Variants in CLEC4D observed in about 807,000 individuals in gnomAD.
The protein encoded by CLEC4D is C-type lectin domain family 4 member D, also known as C-type (calcium dependent, carbohydrate-recognition domain) lectin, superfamily member 8.
CLEC4D carries 21 observed loss-of-function variants against 21.1 expected under a neutral mutation model. The ratio of observed to expected loss-of-function variants is 1.00; its 90% CI spans 0.71 to 1.43. CLEC4D has a LOEUF of 1.43. Ranked by LOEUF, CLEC4D falls within the 40% of genes most tolerant of loss-of-function variation. CLEC4D has a pLI of 0.00. For synonymous variants in CLEC4D, 85 were observed against 83.1 expected, an observed-to-expected ratio of 1.02 and a Z score of -0.12; for missense variants, 289 against 260.7, an observed-to-expected ratio of 1.11 and a Z score of -0.75.
intron 2 of CLEC4D, among the ~76,000 whole-genome samples, chr12:8,515,921 AAT>A (rs2136384529): frequency 6.6e-6 from 1 of 152,282 alleles, no homozygotes; most frequent in Non-Finnish European, 1.5e-5. Flanking sequence ...GTGCAAGACA[AAT>A]AGACTAGAGG....
chr12:8,529,866 A>G, the CLEC4D span, among the ~76,000 whole-genome samples: 3 of 152,350 alleles, frequency 2.0e-5, no homozygotes, highest in Non-Finnish European at 4.4e-5. Context: ...ACTGAAAAAA[A>G]TCAAGGAATT....
At chr12:8,524,701 G>C (rs186956141), downstream of CLEC4D, among the ~76,000 whole-genome samples, 1 of 151,502 alleles carries the variant, frequency 6.6e-6, no homozygotes, top group Non-Finnish European at 1.5e-5. Context: ...ATTCTCCTTC[G>C]GCTCTTCTCT....
At chr12:8,520,441 T>C in intron 5 of CLEC4D, 100 bp downstream of exon 5, 1 of 1,485,956 alleles carries the variant, frequency 6.7e-7, no homozygotes, top group South Asian at 1.3e-5. Flanking sequence ...TATAAAAATG[T>C]TAAGAGAGAC....
chr12:8,522,654 G>T (rs1339435824), downstream of CLEC4D, among the ~76,000 whole-genome samples: 2 of 152,006 alleles, frequency 1.3e-5, no homozygotes, highest in African/African-American at 2.4e-5. Flanking sequence ...GAAACTTGTT[G>T]AAGTAACTTT....
the CLEC4D span, among the ~76,000 whole-genome samples, chr12:8,529,940 T>G: frequency 1.4e-4 from 21 of 152,302 alleles, no homozygotes; most frequent in Non-Finnish European, 3.1e-4. Context: ...ATCTAAACGG[T>G]TGAATACGAT....
intron 2 of CLEC4D, among the ~76,000 whole-genome samples, chr12:8,516,413 ATACT>A (rs1192027506): frequency 6.6e-6 from 1 of 152,240 alleles, no homozygotes; most frequent in African/African-American, 2.4e-5. Context: ...AGTAGGAAAA[ATACT>A]TACAATAAAA....
intron 2 of CLEC4D, among the ~76,000 whole-genome samples, chr12:8,517,292 T>C (rs927071305): frequency 1.3e-5 from 2 of 152,014 alleles, no homozygotes; most frequent in South Asian, 2.1e-4. Context: ...TATTTTTTAT[T>C]ATTTATTTAT....
chr12:8,529,501 A>T, the CLEC4D span, among the ~76,000 whole-genome samples: 14 of 152,102 alleles, frequency 9.2e-5, no homozygotes, highest in South Asian at 4.2e-4. Flanking sequence ...TGTAGTCCTA[A>T]CTACTTGGGA....
rs1361005580 is a variant in CLEC4D, at chr12:8,521,309, G to T, written c.*38G>T. On this transcript the variant is annotated 3_prime_UTR_variant, in exon 6 of 6. Transcript: ENST00000299665. ...TGGTCCTTGTGATGGAAAGAGAAAA[G>T]AAAAACCAATTAGAATAAGGCAGAA... 1.3e-6 allele frequency: 2 copies of T among 1,584,242 alleles called. No individual in the cohort carries two copies. Among genetic ancestry groups the T allele is most frequent in the Non-Finnish European group, 1.7e-6 (2 of 1,169,132 alleles).
intron 5 of CLEC4D, 61 bp from the exon 6 acceptor site, chr12:8,521,063 C>T (rs1565492716): frequency 6.4e-7 from 1 of 1,557,814 alleles, no homozygotes; most frequent in Non-Finnish European, 8.7e-7. Context: ...CTAATCTACA[C>T]CTATAATCTA....
Position 8,513,507 on chromosome 12 carries a change from C to A in CLEC4D, c.-226C>A. 2.4e-5 allele frequency: 7 copies of A among 290,400 alleles called. No individual in the cohort carries two copies. The highest frequency in any genetic ancestry group is 5.3e-5 in the East Asian group (1 of 18,730). The allele number at this position is 290,400 out of a possible 1,614,324, so 18.0% of individuals were successfully genotyped here. A position where few individuals can be genotyped will look rare whatever the true frequency, so the allele number is the denominator to read the frequency against. The stretch of plus-strand genomic sequence containing the variant: ...TTTCCTTTTTTTTTTTTTTTCGCCT[C>A]ATCTCCCGGAATGTATCAAAGGAAA... On this transcript the variant is annotated 5_prime_UTR_variant, in exon 1 of 6. Coordinates refer to ENST00000299665, the MANE Select transcript of CLEC4D (RefSeq NM_080387.5).
rs757147360 is a variant in CLEC4D at position 8,520,285 on chromosome 12, G to A, written c.444G>A (p.Glu148=). ...CCTATTTCCTTGGACTTAGAGATGA[G>A]AATGCCAAAGGTCAGTGGCGTTGGG... is the stretch of plus-strand genomic sequence containing the variant. ...RLSYFLGLRD[E]NAKGQWRWVD... is the part of the protein sequence containing the mutation. Residue 148 remains glutamate (E), a synonymous_variant, in exon 5 of 6, where the codon GAG becomes GAA. Transcript: ENST00000299665. 2 of 1,614,058 alleles carry A rather than the reference G, an allele frequency of 1.2e-6. No homozygotes were observed. The highest frequency in any genetic ancestry group is 3.3e-5 in the Admixed American group (2 of 60,028).
chr12:8,520,352 T>G lies in CLEC4D; in HGVS notation c.500+11T>G, dbSNP rs767734508. 1 of 1,612,330 alleles carries G rather than the reference T, an allele frequency of 6.2e-7. No individual in the cohort carries two copies. Among genetic ancestry groups the G allele is most frequent in the African/African-American group, 1.3e-5 (1 of 75,008 alleles). ...TAACCCACGCAGAGTGTAAGTATAT[T>G]GAGTGGGCTAAGGGGATTTATAAGC... On this transcript the variant is annotated intron_variant, in intron 5 of 5. Transcript: ENST00000299665.
intron 3 of CLEC4D, 61 bp from the exon 4 acceptor site, chr12:8,518,948 G>A (rs933221344): frequency 4.1e-5 from 64 of 1,564,610 alleles, no homozygotes; most frequent in Non-Finnish European, 5.4e-5. Flanking sequence ...GAATAGTTAT[G>A]CAATCTGTTA....
rs772960836 is a variant in CLEC4D, at chr12:8,521,160, A to G, written c.537A>G (p.Gly179=). The stretch of plus-strand genomic sequence containing the variant: ...AGAATGAACCCGACAACTCTCAGGG[A>G]GAAAACTGTGTTGTTCTTGTTTATA... ...WHKNEPDNSQ[G]ENCVVLVYNQ... The change falls in exon 6 of 6, where the codon GGA becomes GGG. Residue 179 remains glycine (G), a synonymous_variant. Transcript: ENST00000299665. The G allele has an allele frequency of 1.2e-6, 2 of 1,613,576 alleles. No individual in the cohort carries two copies. The highest frequency in any genetic ancestry group is 1.7e-6 in the Non-Finnish European group (2 of 1,179,646).
At chr12:8,514,909 C>G (rs756348881) in intron 1 of CLEC4D, among the ~76,000 whole-genome samples, 59 of 152,230 alleles carry the variant, frequency 3.9e-4, no homozygotes, top group Middle Eastern at 3.4e-3. Context: ...TCCTTTCATA[C>G]GTTCCTTGAC....
chr12:8,530,502 TAA>T, the CLEC4D span, among the ~76,000 whole-genome samples: 1 of 149,404 alleles, frequency 6.7e-6, no homozygotes, highest in South Asian at 2.1e-4. Context: ...TTAATTCTAA[TAA>T]CTTATTTTAT....
At chr12:8,514,779 C>G (rs1940354593) in intron 1 of CLEC4D, among the ~76,000 whole-genome samples, 1 of 152,066 alleles carries the variant, frequency 6.6e-6, no homozygotes, top group Admixed American at 6.5e-5. Flanking sequence ...TGATTAGTGG[C>G]TATTTATAAC....
At chr12:8,531,509 T>C in the CLEC4D span, among the ~76,000 whole-genome samples, 1 of 152,210 alleles carries the variant, frequency 6.6e-6, no homozygotes, top group African/African-American at 2.4e-5. Context: ...GCTGTAACAT[T>C]CTTGAACTCA....
Sources: allele counts gnomAD v4.1 joint callset (sites outside exome capture counted in the v4.1 genomes callset), GRCh38; gene constraint gnomAD v4.1.1; transcripts MANE v1.5; gene names NCBI Gene and HGNC (gene_info 2026-07-23, HGNC 2026-07-21).